DIP2B: variants seen among roughly 807,000 people sequenced by gnomAD.
DIP2B encodes the protein DIP2 acetate--CoA ligase B (putative), also known as disco-interacting protein 2 homolog B.
In DIP2B, 76 loss-of-function variants were observed where a neutral mutation model predicts 198.0. The ratio of observed to expected loss-of-function variants is 0.38; its 90% CI spans 0.32 to 0.46. The LOEUF is 0.46. DIP2B is among the 20% of genes least tolerant of loss of function. The pLI, the probability that DIP2B is intolerant of heterozygous loss-of-function variation, is 0.99. For synonymous variants in DIP2B, 701 were observed against 739.1 expected (o/e 0.95, Z 0.84); for missense variants, 1,559 against 1,978.4 (o/e 0.79, Z 4.02).
chr12:50,616,496 A>T (rs1333204750), intron 1 of DIP2B, among the ~76,000 whole-genome samples: 1 of 152,226 alleles, frequency 6.6e-6, no homozygotes, highest in Non-Finnish European at 1.5e-5. Context: ...TGAAAATGTT[A>T]TGTCTTTTTA....
chr12:50,604,959 G>A (rs1285305960), intron 1 of DIP2B, among the ~76,000 whole-genome samples: 1 of 152,100 alleles, frequency 6.6e-6, no homozygotes, highest in Non-Finnish European at 1.5e-5. Flanking sequence ...CACTTCAGAT[G>A]CACAGGAGAT....
chr12:50,697,790 C>T (rs534147720), intron 17 of DIP2B, among the ~76,000 whole-genome samples: 33 of 151,400 alleles, frequency 2.2e-4, no homozygotes, highest in African/African-American at 7.8e-4. Context: ...CTTGTCCTCC[C>T]AAGTGCTGGG....
intron 14 of DIP2B, among the ~76,000 whole-genome samples, chr12:50,694,858 A>G (rs1300091441): frequency 2.0e-5 from 3 of 152,154 alleles, no homozygotes; most frequent in Non-Finnish European, 4.4e-5. Context: ...CCGCAGTTCA[A>G]AAAGAATTAT....
chr12:50,644,161 C>T (rs893947248), intron 3 of DIP2B, among the ~76,000 whole-genome samples: 3 of 152,136 alleles, frequency 2.0e-5, no homozygotes, highest in African/African-American at 7.2e-5. Context: ...GACCTGATTC[C>T]ATTCTTTGTG....
intron 1 of DIP2B, among the ~76,000 whole-genome samples, chr12:50,535,598 T>C (rs1014477436): frequency 6.6e-6 from 1 of 151,902 alleles, no homozygotes; most frequent in African/African-American, 2.4e-5. Flanking sequence ...CTCAAACTCC[T>C]GACCTCAAGT....
chr12:50,737,210 C>T (rs539429143), intron 35 of DIP2B, 100 bp downstream of exon 35: 39 of 1,114,470 alleles, frequency 3.5e-5, no homozygotes, highest in Non-Finnish European at 4.5e-5. Context: ...AGCTTTCCCC[C>T]GTTGTGAATG....
At chr12:50,610,588 C>T (rs1436360258) in intron 1 of DIP2B, among the ~76,000 whole-genome samples, 2 of 151,896 alleles carry the variant, frequency 1.3e-5, no homozygotes, top group Non-Finnish European at 2.9e-5. Flanking sequence ...TCACTGCAAG[C>T]TCCACCTCCC....
In DIP2B at chr12:50,603,177, T is replaced by A. The variant is rs570765324; in HGVS notation, c.101-22799T>A. ...AGACTCTGTCTCAAAAAAAAAAAAA[T>A]AATAATATTTAATTTAATATTCACA... is the stretch of plus-strand genomic sequence containing the variant. On this transcript the variant is annotated intron_variant, in intron 1 of 37. Transcript: ENST00000301180. Among the ~76,000 whole-genome samples, 593 of 148,248 alleles carry A rather than the reference T, an allele frequency of 4.0e-3. 3 individuals are homozygous for A. The highest frequency in any genetic ancestry group is 0.011 in the African/African-American group (443 of 40,450).
intron 1 of DIP2B, among the ~76,000 whole-genome samples, chr12:50,524,188 C>T (rs181721927): frequency 4.6e-5 from 7 of 152,282 alleles, no homozygotes; most frequent in Admixed American, 3.3e-4. Flanking sequence ...CTACTTCTTT[C>T]CATGCCGAGT....
At chr12:50,550,137 A>C (rs951632077) in intron 1 of DIP2B, among the ~76,000 whole-genome samples, 1 of 152,196 alleles carries the variant, frequency 6.6e-6, no homozygotes, top group Non-Finnish European at 1.5e-5. Flanking sequence ...AACGCCTAGA[A>C]ACTGTGAATT....
chr12:50,726,957 A>T (rs1394503048), intron 28 of DIP2B, among the ~76,000 whole-genome samples: 4 of 152,030 alleles, frequency 2.6e-5, no homozygotes, highest in African/African-American at 7.2e-5. Flanking sequence ...TACAAAAAAA[A>T]TTTTTATTTA....
chr12:50,664,207 A>G (rs1273039361), intron 4 of DIP2B, among the ~76,000 whole-genome samples: 1 of 152,224 alleles, frequency 6.6e-6, no homozygotes, highest in Non-Finnish European at 1.5e-5. Flanking sequence ...ATTAAGGAGT[A>G]AAATATGTCA....
chr12:50,557,567 A>G (rs1465309301), intron 1 of DIP2B, among the ~76,000 whole-genome samples: 1 of 152,222 alleles, frequency 6.6e-6, no homozygotes, highest in African/African-American at 2.4e-5. Context: ...AGAGTGGATG[A>G]TGGTGGCTGC....
intron 1 of DIP2B, among the ~76,000 whole-genome samples, chr12:50,583,604 G>A (rs1416151087): frequency 6.6e-6 from 1 of 152,174 alleles, no homozygotes; most frequent in East Asian, 1.9e-4. Flanking sequence ...TTACAGTGGG[G>A]TAACGTACTG....
At chr12:50,602,132 C>T (rs1161228539) in intron 1 of DIP2B, among the ~76,000 whole-genome samples, 1 of 152,156 alleles carries the variant, frequency 6.6e-6, no homozygotes, top group Non-Finnish European at 1.5e-5. Context: ...GAAGTAATTC[C>T]CACCTCTTCC....
chr12:50,661,221 C>T lies in DIP2B; in HGVS notation c.427+902C>T, dbSNP rs1415681330. 2.0e-5 allele frequency among the ~76,000 whole-genome samples: 3 copies of T among 152,120 alleles called. No individual in the cohort carries two copies. In the East Asian group the frequency reaches 5.8e-4, roughly 29 times the overall value. The stretch of plus-strand genomic sequence containing the variant: ...CTATTTCAGAGCCTCAATATAGTGT[C>T]TCTCTTTCTACTTTCATGTTACTGG... On this transcript the variant is annotated intron_variant, in intron 4 of 37. Transcript: ENST00000301180.
At chr12:50,623,525 A>G (rs972843711) in intron 1 of DIP2B, among the ~76,000 whole-genome samples, 17 of 142,754 alleles carry the variant, frequency 1.2e-4, no homozygotes, top group South Asian at 2.1e-4. Flanking sequence ...ACACACACAC[A>G]CACGCACACA....
chr12:50,513,488 T>G (rs919706510), intron 1 of DIP2B, among the ~76,000 whole-genome samples: 2 of 152,242 alleles, frequency 1.3e-5, no homozygotes, highest in Non-Finnish European at 2.9e-5. Context: ...CATATGGATG[T>G]TTAGAACCTT....
chr12:50,549,050 A>G (rs1202075443), intron 1 of DIP2B, among the ~76,000 whole-genome samples: 1 of 152,164 alleles, frequency 6.6e-6, no homozygotes, highest in Non-Finnish European at 1.5e-5. Context: ...GTGACCTTTG[A>G]AACTAAGTGA....
Sources: allele counts gnomAD v4.1 joint callset (sites outside exome capture counted in the v4.1 genomes callset), GRCh38; gene constraint gnomAD v4.1.1; transcripts MANE v1.5; gene names NCBI Gene and HGNC (gene_info 2026-07-23, HGNC 2026-07-21).